The following ARAP2 variants were observed in gnomAD, a reference collection of about 807,000 sequenced individuals.
ARAP2 encodes arf-GAP with Rho-GAP domain, ANK repeat and PH domain-containing protein 2.
In ARAP2, 148 loss-of-function variants were observed where a neutral mutation model predicts 194.5. The ratio of observed to expected loss-of-function variants is 0.76; its 90% CI spans 0.67 to 0.87. The LOEUF is 0.87. Among genes scored for constraint, ARAP2 ranks in the 40% least tolerant of loss-of-function variants. The pLI, the probability that ARAP2 is intolerant of heterozygous loss-of-function variation, is 0.00. For missense variants in ARAP2, 2,128 were observed against 1,989.7 expected, an observed-to-expected ratio of 1.07 and a Z score of -1.32; for synonymous variants, 695 against 683.5, an observed-to-expected ratio of 1.02 and a Z score of -0.26.
intron 18 of ARAP2, 31 bp from the exon 19 acceptor site, chr4:36,147,390 T>G (rs781356406): frequency 6.2e-7 from 1 of 1,609,354 alleles, no homozygotes; most frequent in East Asian, 2.2e-5. Flanking sequence ...AAAAATTTAT[T>G]TTTTAAAACA....
intron 7 of ARAP2, among the ~76,000 whole-genome samples, chr4:36,190,247 G>T (rs1469805620): frequency 2.0e-5 from 3 of 152,074 alleles, no homozygotes; most frequent in Non-Finnish European, 2.9e-5. Context: ...CATCCTCACA[G>T]ATAACCCTAA....
At chr4:36,239,425 A>G (rs928579458) in intron 1 of ARAP2, among the ~76,000 whole-genome samples, 2 of 152,238 alleles carry the variant, frequency 1.3e-5, no homozygotes, top group African/African-American at 4.8e-5. Context: ...TGTGGTATAT[A>G]CACAAAATGA....
intron 19 of ARAP2, among the ~76,000 whole-genome samples, chr4:36,140,586 C>T (rs150998570): frequency 9.1e-4 from 138 of 151,694 alleles, no homozygotes; most frequent in Middle Eastern, 3.4e-3. Flanking sequence ...ATTTAAAAAC[C>T]ACTTTAAGAT....
At chr4:36,064,692 C>G (rs746274961), downstream of ARAP2, among the ~76,000 whole-genome samples, 14 of 152,190 alleles carry the variant, frequency 9.2e-5, no homozygotes, top group Non-Finnish European at 1.8e-4. Context: ...CTGGTGACCC[C>G]AGACCCTGAT....
At chr4:36,068,929 T>C (rs1387948704) in intron 32 of ARAP2, among the ~76,000 whole-genome samples, 2 of 152,210 alleles carry the variant, frequency 1.3e-5, no homozygotes, top group African/African-American at 4.8e-5. Flanking sequence ...AACATACCAC[T>C]TCGAAGGTGT....
intron 5 of ARAP2, among the ~76,000 whole-genome samples, chr4:36,042,709 T>G (rs1367821543): frequency 2.0e-5 from 3 of 152,182 alleles, no homozygotes; most frequent in African/African-American, 7.2e-5. Context: ...TTAAATATGG[T>G]TCAGTAGATA....
intron 10 of ARAP2, chr4:36,006,693 C>G (rs964382907): frequency 1.1e-4 from 16 of 151,940 alleles, no homozygotes; most frequent in Non-Finnish European, 2.4e-4. Flanking sequence ...AAAATCTGCT[C>G]TATATGAGAG....
chr4:36,224,327 C>A (rs1749824293), intron 2 of ARAP2, among the ~76,000 whole-genome samples: 1 of 150,458 alleles, frequency 6.6e-6, no homozygotes, highest in African/African-American at 2.4e-5. Context: ...AATCATTAGG[C>A]AGCAGTTTAA....
intron 6 of ARAP2, among the ~76,000 whole-genome samples, chr4:36,199,334 C>T (rs1449617362): frequency 6.6e-6 from 1 of 152,200 alleles, no homozygotes; most frequent in African/African-American, 2.4e-5. Flanking sequence ...CTCTGTCACC[C>T]AAGCGGGAGT....
chr4:36,164,920 A>G lies in ARAP2; in HGVS notation c.2167T>C (p.Cys723Arg), dbSNP rs1734921805. 4 of 1,613,980 alleles carry G rather than the reference A, an allele frequency of 2.5e-6. No individual in the cohort carries two copies. The highest frequency in any genetic ancestry group is 3.4e-6 in the Non-Finnish European group (4 of 1,179,852). ...INLCVVICKK[C>R]AGQHRSLGPK... ...ATAACTTGTCACTAATTACCTGCAC[A>G]CTTCTTACAGATGACAACACAGAGA... The change falls in exon 11 of 33, where the codon TGT (cysteine) becomes CGT (arginine). Residue 723 changes from cysteine to arginine, a missense_variant. Cys to Arg is a radical substitution (Grantham distance 180, BLOSUM62 -3). Coordinates refer to ENST00000303965, the MANE Select transcript of ARAP2 (RefSeq NM_015230.4).
At chr4:36,176,119 G>T (rs1737853037) in intron 9 of ARAP2, among the ~76,000 whole-genome samples, 1 of 152,190 alleles carries the variant, frequency 6.6e-6, no homozygotes, top group Non-Finnish European at 1.5e-5. Context: ...AAGGAAGTTT[G>T]TAGAGTGGTT....
chr4:36,156,944 A>AATAT (rs1471825933), intron 15 of ARAP2, among the ~76,000 whole-genome samples: 1 of 152,232 alleles, frequency 6.6e-6, no homozygotes, highest in Admixed American at 6.5e-5. Context: ...ATCCATTGTT[A>AATAT]ATATATTCAA....
intron 10 of ARAP2, among the ~76,000 whole-genome samples, chr4:36,166,578 AAATAGC>A (rs1735335162): frequency 6.6e-6 from 1 of 152,028 alleles, no homozygotes; most frequent in Non-Finnish European, 1.5e-5. Context: ...AAAAGAAGAT[AAATAGC>A]AATACAACTT....
Position 36,076,878 on chromosome 4 carries a change from C to T in ARAP2, c.4609-3055G>A, listed in dbSNP as rs368332130. 1.1e-4 allele frequency among the ~76,000 whole-genome samples: 16 copies of T among 152,248 alleles called. No individual in the cohort carries two copies. In the South Asian group the frequency reaches 3.3e-3, roughly 32 times the overall value. On this transcript the variant is annotated intron_variant, in intron 31 of 32. Coordinates refer to ENST00000303965, the MANE Select transcript of ARAP2 (RefSeq NM_015230.4). Reference sequence around the variant, plus strand: ...CATTTCCTTCTACATCTCTGATGATCCCACTTACATCTGACAGTTGCCAAA... The same window carrying T: ...CATTTCCTTCTACATCTCTGATGATTCCACTTACATCTGACAGTTGCCAAA...
intron 10 of ARAP2, chr4:36,005,842 T>C (rs1056504015): frequency 6.6e-6 from 1 of 152,196 alleles, no homozygotes; most frequent in African/African-American, 2.4e-5. Flanking sequence ...ATGGAGTGAA[T>C]ATCTTCAAAG....
chr4:36,019,827 C>T (rs1716577663), intron 5 of ARAP2, among the ~76,000 whole-genome samples: 1 of 152,100 alleles, frequency 6.6e-6, no homozygotes, highest in Non-Finnish European at 1.5e-5. Context: ...GTTATAGTTT[C>T]TCCTTAAGTC....
intron 2 of ARAP2, among the ~76,000 whole-genome samples, chr4:36,221,812 T>G (rs1749231460): frequency 6.6e-6 from 1 of 152,150 alleles, no homozygotes; most frequent in Admixed American, 6.6e-5. Context: ...ACAACCTTTC[T>G]TATATTCTAA....
intron 2 of ARAP2, among the ~76,000 whole-genome samples, chr4:36,224,347 G>T (rs1285383138): frequency 6.7e-6 from 1 of 149,682 alleles, no homozygotes; most frequent in African/African-American, 2.5e-5. Flanking sequence ...ACACTGCCTT[G>T]AGGTTTTCAT....
At chr4:36,069,515 A>T (rs1560359464) in intron 32 of ARAP2, among the ~76,000 whole-genome samples, 1 of 152,130 alleles carries the variant, frequency 6.6e-6, no homozygotes, top group African/African-American at 2.4e-5. Context: ...TAAAAAAAAA[A>T]CAAGACAGGG....
Sources: gnomAD v4.1 joint callset for allele counts (sites outside exome capture counted in the v4.1 genomes callset) on GRCh38, gnomAD v4.1.1 for gene constraint, MANE v1.5 for transcripts, NCBI Gene and HGNC (gene_info 2026-07-23, HGNC 2026-07-21) for gene names.